RARB: variants seen among roughly 807,000 people sequenced by gnomAD.
The protein encoded by RARB is HBV-activated protein.
A neutral mutation model predicts 51.9 loss-of-function variants in RARB; 17 were observed. That is an observed-to-expected ratio of 0.33 (90% CI 0.22 to 0.49). RARB has a LOEUF of 0.49. Among genes scored for constraint, RARB ranks in the 20% least tolerant of loss-of-function variants. RARB has a pLI of 0.99. For missense variants in RARB, 369 were observed against 550.8 expected (o/e 0.67, Z 3.30); for synonymous variants, 215 against 195.4 (o/e 1.10, Z -0.84).
chr3:25,576,965 C>A (rs774874854), intron 4 of RARB, among the ~76,000 whole-genome samples: 1 of 152,148 alleles, frequency 6.6e-6, no homozygotes, highest in African/African-American at 2.4e-5. Flanking sequence ...AGATGTTGGC[C>A]GGCACATAAC....
chr3:24,924,893 A>G (rs892079499), intron 2 of RARB, among the ~76,000 whole-genome samples: 11 of 152,106 alleles, frequency 7.2e-5, no homozygotes, highest in Non-Finnish European at 1.5e-4. Flanking sequence ...GAATTAATAG[A>G]TTTGAATTGC....
intron 5 of RARB, among the ~76,000 whole-genome samples, chr3:25,183,113 T>G (rs576657396): frequency 6.6e-6 from 1 of 152,182 alleles, no homozygotes; most frequent in Non-Finnish European, 1.5e-5. Flanking sequence ...CCATAACTTC[T>G]TACTACCGAA....
chr3:25,566,926 C>T (rs1218555144), intron 3 of RARB, among the ~76,000 whole-genome samples: 1 of 152,160 alleles, frequency 6.6e-6, no homozygotes, highest in African/African-American at 2.4e-5. Context: ...ATAAGGCCCA[C>T]CTCACCTGGC....
rs1167891315 is a variant in RARB, at chr3:24,990,629, A to G, written c.-379-69496A>G. On this transcript the variant is annotated intron_variant, in intron 2 of 11. Coordinates refer to the RARB transcript ENST00000383772. Reference sequence around the variant, plus strand: ...TATTCTGCAACCTACATTCCATTCTATTTTGTTTATTTGTCTAGATCTCAA... The same window carrying G: ...TATTCTGCAACCTACATTCCATTCTGTTTTGTTTATTTGTCTAGATCTCAA... Among the ~76,000 whole-genome samples, 3 of 107,236 alleles carry G rather than the reference A, an allele frequency of 2.8e-5. 1 individual carries two copies. Among genetic ancestry groups the G allele is most frequent in the African/African-American group, 1.1e-4 (3 of 27,474 alleles). 70.4% of individuals were successfully genotyped at this position (107,236 alleles called of 152,430 possible). A position where few individuals can be genotyped will look rare whatever the true frequency, so the allele number is the denominator to read the frequency against.
At chr3:25,332,093 G>T (rs745857903) in intron 5 of RARB, among the ~76,000 whole-genome samples, 6 of 152,066 alleles carry the variant, frequency 3.9e-5, no homozygotes, top group Admixed American at 6.6e-5. Flanking sequence ...TTCTACCAGA[G>T]GTACAAAGAC....
chr3:25,086,288 G>A (rs1699104003), intron 3 of RARB, among the ~76,000 whole-genome samples: 2 of 152,130 alleles, frequency 1.3e-5, no homozygotes, highest in South Asian at 4.1e-4. Context: ...TTTTGTTAAG[G>A]AAAGCGATAG....
At chr3:25,488,892 A>C (rs972584763) in intron 2 of RARB, among the ~76,000 whole-genome samples, 1 of 152,212 alleles carries the variant, frequency 6.6e-6, no homozygotes, top group African/African-American at 2.4e-5. Context: ...ACTAATTGGC[A>C]GGTACCTCTT....
At chr3:25,234,903 G>A (rs73821765) in intron 5 of RARB, among the ~76,000 whole-genome samples, 13,071 of 152,082 alleles carry the variant, frequency 0.086, 1,185 homozygotes, top group African/African-American at 0.21. Flanking sequence ...GCTACTTGCT[G>A]CTGTCACCAC....
chr3:25,483,321 A>G (rs912976432), intron 2 of RARB, among the ~76,000 whole-genome samples: 6 of 152,196 alleles, frequency 3.9e-5, no homozygotes, highest in African/African-American at 1.4e-4. Flanking sequence ...TATAGTCTTC[A>G]CTAGTTTATT....
At chr3:24,949,235 C>T (rs1695837558) in intron 2 of RARB, among the ~76,000 whole-genome samples, 1 of 152,186 alleles carries the variant, frequency 6.6e-6, no homozygotes, top group African/African-American at 2.4e-5. Context: ...AGTCATGATT[C>T]TCTTTCAGCT....
chr3:24,883,755 G>A (rs1398930920), intron 2 of RARB, among the ~76,000 whole-genome samples: 3 of 151,978 alleles, frequency 2.0e-5, no homozygotes, highest in South Asian at 2.1e-4. Flanking sequence ...CAGATACAGA[G>A]CATTAATAAA....
At chr3:25,391,591 A>C (rs1302807099) in intron 5 of RARB, among the ~76,000 whole-genome samples, 3 of 152,212 alleles carry the variant, frequency 2.0e-5, no homozygotes, top group Admixed American at 2.0e-4. Flanking sequence ...TTCTTGCAGA[A>C]GTAAGATGGT....
chr3:24,846,909 A>T (rs906326804), intron 1 of RARB, among the ~76,000 whole-genome samples: 2 of 152,126 alleles, frequency 1.3e-5, no homozygotes, highest in African/African-American at 4.8e-5. Flanking sequence ...TGAAATTCAG[A>T]TTTGCTCAAT....
intron 3 of RARB, among the ~76,000 whole-genome samples, chr3:25,076,771 G>C (rs1286629627): frequency 1.3e-5 from 2 of 152,006 alleles, no homozygotes; most frequent in African/African-American, 2.4e-5. Flanking sequence ...AATCCTACAT[G>C]ACCACGGAAG....
intron 3 of RARB, among the ~76,000 whole-genome samples, chr3:25,517,338 G>C (rs2125628028): frequency 6.6e-6 from 1 of 152,276 alleles, no homozygotes; most frequent in East Asian, 1.9e-4. Context: ...CAATGGATTT[G>C]AGTAGACATT....
Position 25,594,584 on chromosome 3 carries a change from A to G in RARB, c.1056A>G (p.Leu352=), listed in dbSNP as rs977909440. 2 of 1,613,754 alleles carry G rather than the reference A, an allele frequency of 1.2e-6. No individual in the cohort carries two copies. The highest frequency in any genetic ancestry group is 1.7e-5 in the Admixed American group (1 of 59,976). The change falls in exon 7 of 8, where the codon CTA becomes CTG. Residue 352 remains leucine, a synonymous_variant. Coordinates refer to ENST00000330688, the MANE Select transcript of RARB (RefSeq NM_000965.5). ...DKLQEPLLEA[L]KIYIRKRRPS... is the part of the protein sequence containing the mutation. ...TACAAGAACCATTGCTGGAAGCACT[A>G]AAAATTTATATCAGAAAAAGACGAC...
chr3:24,883,521 A>G (rs1703212673), intron 2 of RARB, among the ~76,000 whole-genome samples: 1 of 152,186 alleles, frequency 6.6e-6, no homozygotes, highest in Non-Finnish European at 1.5e-5. Context: ...CTGTTTTGAC[A>G]TTCTAATTAT....
At chr3:25,334,228 C>G (rs1007021711) in intron 5 of RARB, among the ~76,000 whole-genome samples, 5 of 152,114 alleles carry the variant, frequency 3.3e-5, no homozygotes, top group Admixed American at 1.3e-4. Context: ...CACATGCACA[C>G]GTATGTTTAT....
chr3:25,173,387 T>C (rs538782977), intron 4 of RARB, among the ~76,000 whole-genome samples: 13 of 152,296 alleles, frequency 8.5e-5, no homozygotes, highest in African/African-American at 3.1e-4. Flanking sequence ...TGAGATTTGA[T>C]TGGTGAATAG....
Sources: gnomAD v4.1 joint callset for allele counts (sites outside exome capture counted in the v4.1 genomes callset) on GRCh38, gnomAD v4.1.1 for gene constraint, MANE v1.5 for transcripts, NCBI Gene and HGNC (gene_info 2026-07-23, HGNC 2026-07-21) for gene names.